Variants in GPATCH2 observed in about 807,000 individuals in gnomAD.
GPATCH2 encodes the protein G patch domain-containing protein 2.
In GPATCH2, 51 loss-of-function variants were observed where a neutral mutation model predicts 58.0. The observed-to-expected ratio is 0.88, with a 90% CI of 0.70 to 1.11. The LOEUF (loss-of-function observed/expected upper bound fraction) is 1.11, where lower values mean the gene tolerates loss of function less well. Among genes scored for constraint, GPATCH2 ranks in the 50% most tolerant of loss-of-function variants. GPATCH2 has a pLI of 0.00. For missense variants in GPATCH2, 625 were observed against 652.2 expected, an observed-to-expected ratio of 0.96 and a Z score of 0.45; for synonymous variants, 222 against 218.5, an observed-to-expected ratio of 1.02 and a Z score of -0.14.
At chr1:217,511,263 A>T (rs928669532) in intron 6 of GPATCH2, among the ~76,000 whole-genome samples, 1 of 152,172 alleles carries the variant, frequency 6.6e-6, no homozygotes, top group East Asian at 1.9e-4. Context: ...GAAAGATTTT[A>T]TACTGTGCAC....
At chr1:217,568,315 C>G (rs1666359660) in intron 5 of GPATCH2, among the ~76,000 whole-genome samples, 1 of 152,042 alleles carries the variant, frequency 6.6e-6, no homozygotes, top group Non-Finnish European at 1.5e-5. Context: ...TGCATGCATT[C>G]CCTCAAACAC....
At chr1:217,522,932 T>G (rs906485538) in intron 5 of GPATCH2, among the ~76,000 whole-genome samples, 2 of 151,778 alleles carry the variant, frequency 1.3e-5, no homozygotes, top group Non-Finnish European at 2.9e-5. Flanking sequence ...ATTTAAAAAC[T>G]TGAAAGAATT....
chr1:217,468,514 ACC>A (rs1491196881), intron 8 of GPATCH2, among the ~76,000 whole-genome samples: 2 of 68,434 alleles, frequency 2.9e-5, no homozygotes, highest in African/African-American at 1.4e-4. Flanking sequence ...TGCACACACA[ACC>A]ACACACACAC....
chr1:217,603,347 G>T (rs1359745704), intron 5 of GPATCH2, among the ~76,000 whole-genome samples: 2 of 151,958 alleles, frequency 1.3e-5, no homozygotes, highest in Non-Finnish European at 1.5e-5. Context: ...TTCCTAAAGG[G>T]TTTTCAAGAC....
chr1:217,565,532 G>T (rs2102702423), intron 5 of GPATCH2, among the ~76,000 whole-genome samples: 1 of 152,276 alleles, frequency 6.6e-6, no homozygotes, highest in Admixed American at 6.5e-5. Context: ...ACTCTTAAAA[G>T]AATTAGGAAA....
chr1:217,557,371 T>A (rs1193557574), intron 5 of GPATCH2, among the ~76,000 whole-genome samples: 1 of 145,226 alleles, frequency 6.9e-6, no homozygotes, highest in Non-Finnish European at 1.5e-5. Flanking sequence ...CACACACCAC[T>A]GTACTCCAGC....
intron 8 of GPATCH2, among the ~76,000 whole-genome samples, chr1:217,462,436 T>C (rs1357441837): frequency 6.6e-6 from 1 of 152,156 alleles, no homozygotes; most frequent in Non-Finnish European, 1.5e-5. Flanking sequence ...ATCAACAGTT[T>C]TGACTAAAGG....
rs902899645 is a variant in GPATCH2 at position 217,428,394 on chromosome 1, C to CA, written c.*2750dup. 2.0e-5 allele frequency: 3 copies of CA among 152,074 alleles called. No individual in the cohort carries two copies. Among genetic ancestry groups the CA allele is most frequent in the South Asian group, 2.1e-4 (1 of 4,830 alleles). 9.4% of individuals were successfully genotyped at this position (152,074 alleles called of 1,614,324 possible). The stretch of plus-strand genomic sequence containing the variant: ...GGGGTTCTATGGACGTTGTAACTGG[C>CA]AAAAAATTAACTATATATAAAAGAC... On this transcript the variant is annotated 3_prime_UTR_variant, in exon 10 of 10. Coordinates refer to ENST00000366935, the MANE Select transcript of GPATCH2 (RefSeq NM_018040.5).
At chr1:217,456,357 G>A (rs143843536) in intron 8 of GPATCH2, among the ~76,000 whole-genome samples, 20 of 152,246 alleles carry the variant, frequency 1.3e-4, no homozygotes, top group African/African-American at 4.8e-4. Context: ...GGGTTTGAGG[G>A]CACACAGTGG....
At chr1:217,524,889 AGGGGG>A in intron 5 of GPATCH2, among the ~76,000 whole-genome samples, 1 of 560 alleles carries the variant, frequency 1.8e-3, no homozygotes, top group Non-Finnish European at 3.6e-3. Flanking sequence ...GGGAGGGGGG[AGGGGG>A]GAGGGGGGAG....
intron 8 of GPATCH2, among the ~76,000 whole-genome samples, chr1:217,488,851 A>G (rs1469904960): frequency 6.8e-6 from 1 of 147,626 alleles, no homozygotes; most frequent in Non-Finnish European, 1.5e-5. Context: ...ACCGCCATAG[A>G]CTATTTAAAA....
chr1:217,629,905 A>G lies in GPATCH2; in HGVS notation c.56+1011T>C, dbSNP rs373456275. ...AAGGTATTCTTTTAACTTTTCAGTG[A>G]TAGGTGATGGAAAAGCAATTATCTG... On this transcript the variant is annotated intron_variant, in intron 1 of 9. Coordinates refer to ENST00000366935, the MANE Select transcript of GPATCH2 (RefSeq NM_018040.5). Among the ~76,000 whole-genome samples the G allele has an allele frequency of 5.2e-4, 79 of 152,334 alleles. 1 individual carries two copies. The East Asian group carries it at 9.4e-3, about 18-fold the overall frequency.
At chr1:217,470,772 T>A (rs554125312) in intron 8 of GPATCH2, among the ~76,000 whole-genome samples, 1 of 152,112 alleles carries the variant, frequency 6.6e-6, no homozygotes, top group Non-Finnish European at 1.5e-5. Context: ...CTTCCAATTA[T>A]TCTACTCTAA....
Position 217,498,644 on chromosome 1 carries a change from G to A in GPATCH2, c.1167-249C>T, listed in dbSNP as rs145063040. ...TAGAATTACATTTCCATTTAATTAT[G>A]TTAACATAAACTGCTGGGACTGTAT... On this transcript the variant is annotated intron_variant, in intron 6 of 9. Coordinates refer to ENST00000366935, the MANE Select transcript of GPATCH2 (RefSeq NM_018040.5). 1,136 of 574,016 alleles carry A rather than the reference G, an allele frequency of 2.0e-3. 7 individuals are homozygous for A. Among genetic ancestry groups the A allele is most frequent in the African/African-American group, 0.019 (1,021 of 53,264 alleles). 35.6% of individuals were successfully genotyped at this position (574,016 alleles called of 1,614,324 possible).
At chr1:217,465,140 G>A (rs545594159) in intron 8 of GPATCH2, among the ~76,000 whole-genome samples, 29 of 151,832 alleles carry the variant, frequency 1.9e-4, no homozygotes, top group African/African-American at 6.3e-4. Flanking sequence ...AGGAACAGAG[G>A]AGTGAGCCAT....
chr1:217,558,902 C>T (rs1665782472), intron 5 of GPATCH2, among the ~76,000 whole-genome samples: 1 of 152,140 alleles, frequency 6.6e-6, no homozygotes, highest in South Asian at 2.1e-4. Flanking sequence ...CTTCTTCCAA[C>T]TATACTTGGT....
At chr1:217,474,129 C>T (rs1182522184) in intron 8 of GPATCH2, among the ~76,000 whole-genome samples, 1 of 151,970 alleles carries the variant, frequency 6.6e-6, no homozygotes, top group Non-Finnish European at 1.5e-5. Flanking sequence ...ATGGGCACTG[C>T]TTATGGTAAC....
At chr1:217,562,628 A>G (rs2102695179) in intron 5 of GPATCH2, among the ~76,000 whole-genome samples, 2 of 152,312 alleles carry the variant, frequency 1.3e-5, no homozygotes, top group Non-Finnish European at 2.9e-5. Context: ...ATCTGAAACA[A>G]GTTTTCGGCT....
chr1:217,474,324 A>G (rs1660877737), intron 8 of GPATCH2, among the ~76,000 whole-genome samples: 1 of 152,224 alleles, frequency 6.6e-6, no homozygotes, highest in South Asian at 2.1e-4. Context: ...AAAGGAAATT[A>G]TAAAGGTCAC....
Sources: allele counts gnomAD v4.1 joint callset (sites outside exome capture counted in the v4.1 genomes callset), GRCh38; gene constraint gnomAD v4.1.1; transcripts MANE v1.5; gene names NCBI Gene and HGNC (gene_info 2026-07-23, HGNC 2026-07-21).